Variants in UNC5B observed in about 807,000 individuals in gnomAD.
UNC5B encodes the protein unc-5 netrin receptor B.
In UNC5B, 56 loss-of-function variants were observed where a neutral mutation model predicts 103.7. That is an observed-to-expected ratio of 0.54 (90% CI 0.44 to 0.67). The LOEUF (loss-of-function observed/expected upper bound fraction) is 0.67. Ranked by LOEUF, UNC5B falls within the 30% of genes least tolerant of loss-of-function variation. The pLI, the probability that UNC5B is intolerant of heterozygous loss-of-function variation, is 0.00. For synonymous variants in UNC5B, 577 were observed against 542.0 expected (o/e 1.06, Z -0.90); for missense variants, 1,194 against 1,284.5 (o/e 0.93, Z 1.08).
chr10:71,286,710 G>T lies in UNC5B; in HGVS notation c.574G>T (p.Asp192Tyr), dbSNP rs779154338. 6.2e-7 allele frequency: 1 copy of T among 1,614,154 alleles called. No homozygotes were observed. Among genetic ancestry groups the T allele is most frequent in the Admixed American group, 1.7e-5 (1 of 60,026 alleles). ...VAEVEWLKNE[D>Y]VIDPTQDTNF... ...GCAGGTGGAATGGCTCAAGAATGAG[G>T]ATGTCATCGACCCCACCCAGGACAC... Residue 192 changes from aspartate to tyrosine, a missense_variant, in exon 5 of 17, where the codon GAT (aspartate) becomes TAT (tyrosine). Transcript: ENST00000335350.
At chr10:71,291,904 A>G (rs1312028533) in intron 10 of UNC5B, 83 bp downstream of exon 10, 3 of 1,483,824 alleles carry the variant, frequency 2.0e-6, no homozygotes, top group Non-Finnish European at 2.7e-6. Flanking sequence ...AGCAGAAGAT[A>G]GGGCTGCCCT....
rs1041317051 is a variant in UNC5B at position 71,213,726 on chromosome 10, A to G, written c.79+662A>G. 1.3e-4 allele frequency among the ~76,000 whole-genome samples: 11 copies of G among 81,856 alleles called. No homozygotes were observed. Among genetic ancestry groups the G allele is most frequent in the Admixed American group, 6.5e-4 (6 of 9,178 alleles). 53.7% of individuals were successfully genotyped at this position (81,856 alleles called of 152,430 possible). ...TTATTATTAATTTTCTGAGTGTTGG[A>G]GAGTGTGTGTGTGTGTGTGTGTGTG... On this transcript the variant is annotated intron_variant, in intron 1 of 16. Transcript: ENST00000335350. The surrounding 1 kb of genome is among the most constrained non-coding windows in gnomAD (Gnocchi z 4.1).
intron 1 of UNC5B, among the ~76,000 whole-genome samples, chr10:71,224,831 G>T (rs924561929): frequency 3.3e-5 from 5 of 152,156 alleles, no homozygotes; most frequent in Non-Finnish European, 7.3e-5. Context: ...CACAGAGCCC[G>T]CCTTCTTTCT....
chr10:71,294,032 C>T (rs987291289), intron 13 of UNC5B, 99 bp downstream of exon 13: 3 of 1,103,758 alleles, frequency 2.7e-6, no homozygotes, highest in Non-Finnish European at 3.8e-6. Flanking sequence ...CCCAGGAACC[C>T]CTCCCCGCCA....
chr10:71,258,658 A>G (rs1428823689), intron 1 of UNC5B, among the ~76,000 whole-genome samples: 2 of 152,232 alleles, frequency 1.3e-5, no homozygotes, highest in Admixed American at 1.3e-4. Flanking sequence ...AAGGTCACAC[A>G]GCTAGCGACA....
intron 1 of UNC5B, among the ~76,000 whole-genome samples, chr10:71,259,813 C>T (rs879637955): frequency 3.3e-5 from 5 of 152,186 alleles, no homozygotes; most frequent in South Asian, 2.1e-4. Flanking sequence ...GGTCAGTGGG[C>T]GTGGGTCCCT....
intron 1 of UNC5B, among the ~76,000 whole-genome samples, chr10:71,226,985 T>TC (rs1488861896): frequency 3.0e-5 from 4 of 134,754 alleles, no homozygotes; most frequent in Non-Finnish European, 6.3e-5. Context: ...CCATTCTTCT[T>TC]TTTTTTTTTT....
At chr10:71,237,814 T>G (rs1454188614) in intron 1 of UNC5B, among the ~76,000 whole-genome samples, 1 of 152,168 alleles carries the variant, frequency 6.6e-6, no homozygotes, top group African/African-American at 2.4e-5. Flanking sequence ...GATGCTCACC[T>G]TAAGGCAAGT....
chr10:71,291,883 A>G, intron 10 of UNC5B, 62 bp downstream of exon 10: 1 of 1,516,690 alleles, frequency 6.6e-7, no homozygotes, highest in East Asian at 2.3e-5. Flanking sequence ...GGACTGCCCC[A>G]ACACCCATCC....
At chr10:71,273,215 G>A (rs773770424) in intron 1 of UNC5B, among the ~76,000 whole-genome samples, 11 of 152,224 alleles carry the variant, frequency 7.2e-5, no homozygotes, top group Non-Finnish European at 1.6e-4. Flanking sequence ...AAAGATATTT[G>A]CATCTGTTTT....
rs116079443 is a variant in UNC5B at position 71,285,857 on chromosome 10, T to G, written c.552+428T>G. On this transcript the variant is annotated intron_variant, in intron 4 of 16. Coordinates refer to ENST00000335350, the MANE Select transcript of UNC5B (RefSeq NM_170744.5). ...ACAGTCTTTGGATTGCTGTCCTCTC[T>G]CGCCATCCTTACCTATGTTCCAGAC... Among the ~76,000 whole-genome samples the G allele has an allele frequency of 5.9e-3, 896 of 152,286 alleles. 14 individuals are homozygous for G. Among genetic ancestry groups the G allele is most frequent in the African/African-American group, 0.021 (870 of 41,560 alleles).
In UNC5B at chr10:71,265,730, G is replaced by A. The variant is rs116291560; in HGVS notation, c.80-14091G>A. ...AGAGGCTCTGGGCCAGCCGGGCAGCGAGCACAGTGGACGGGCTCCACCTTC... is the reference window on the plus strand; with the variant it reads ...AGAGGCTCTGGGCCAGCCGGGCAGCAAGCACAGTGGACGGGCTCCACCTTC... On this transcript the variant is annotated intron_variant, in intron 1 of 16. Transcript: ENST00000335350. Among the ~76,000 whole-genome samples the A allele has an allele frequency of 8.3e-3, 1,270 of 152,274 alleles. 24 individuals are homozygous for A. Among genetic ancestry groups the A allele is most frequent in the Middle Eastern group, 0.02 (6 of 294 alleles).
chr10:71,277,475 C>T (rs1217254427), intron 1 of UNC5B, among the ~76,000 whole-genome samples: 1 of 152,242 alleles, frequency 6.6e-6, no homozygotes, highest in African/African-American at 2.4e-5. Context: ...AGGTTCTCTG[C>T]TGCCCAGATG....
intron 1 of UNC5B, among the ~76,000 whole-genome samples, chr10:71,257,054 G>A (rs1222466478): frequency 6.6e-6 from 1 of 152,218 alleles, no homozygotes; most frequent in African/African-American, 2.4e-5. Context: ...GGGGCCCAGA[G>A]GAAGGGGTGC....
At chr10:71,289,151 A>G (rs1845179952) in intron 8 of UNC5B, among the ~76,000 whole-genome samples, 161 bp downstream of exon 8, 1 of 152,136 alleles carries the variant, frequency 6.6e-6, no homozygotes, top group Non-Finnish European at 1.5e-5. Context: ...CTGCATCTCC[A>G]TCACCGGCAG....
intron 1 of UNC5B, among the ~76,000 whole-genome samples, chr10:71,235,015 C>T (rs1175270947): frequency 6.6e-6 from 1 of 152,116 alleles, no homozygotes; most frequent in Non-Finnish European, 1.5e-5. Flanking sequence ...ACCCCCAGCG[C>T]CCAGGGGGGC....
intron 1 of UNC5B, among the ~76,000 whole-genome samples, chr10:71,230,238 C>T (rs1843656604): frequency 6.6e-6 from 1 of 152,144 alleles, no homozygotes; most frequent in Non-Finnish European, 1.5e-5. Flanking sequence ...AGGGCCCTCA[C>T]TCTGATTGGT....
intron 1 of UNC5B, among the ~76,000 whole-genome samples, chr10:71,276,279 G>A (rs866530245): frequency 2.0e-5 from 3 of 152,054 alleles, no homozygotes. Flanking sequence ...CTCTCTGAGC[G>A]GCGCCTGGCA....
At chr10:71,285,282 C>A (rs1845042712) in intron 3 of UNC5B, 44 bp from the exon 4 acceptor site, 1 of 1,552,688 alleles carries the variant, frequency 6.4e-7, no homozygotes, top group Non-Finnish European at 8.8e-7. Flanking sequence ...AGGTTCTGAT[C>A]CTGCCCGCAC....
Sources: gnomAD v4.1 joint callset for allele counts (sites outside exome capture counted in the v4.1 genomes callset) on GRCh38, gnomAD v4.1.1 for gene constraint, Gnocchi (gnomAD v3.1) non-coding constraint, MANE v1.5 for transcripts, NCBI Gene and HGNC (gene_info 2026-07-23, HGNC 2026-07-21) for gene names.